NTM: variants seen among roughly 807,000 people sequenced by gnomAD.
The protein encoded by NTM is neurotrimin, also known as IgLON family member 2.
Under a neutral mutation model 42.1 loss-of-function variants are expected in NTM, and 13 were observed. The ratio of observed to expected loss-of-function variants is 0.31; its 90% CI spans 0.20 to 0.49. NTM has a LOEUF of 0.49. NTM is among the 20% of genes least tolerant of loss of function. The pLI, the probability that NTM is intolerant of heterozygous loss-of-function variation, is 0.99. For synonymous variants in NTM, 187 were observed against 179.2 expected, an observed-to-expected ratio of 1.04 and a Z score of -0.35; for missense variants, 373 against 452.8, an observed-to-expected ratio of 0.82 and a Z score of 1.60.
intron 4 of NTM, among the ~76,000 whole-genome samples, chr11:132,231,687 T>C (rs1436462181): frequency 6.6e-6 from 1 of 152,212 alleles, no homozygotes; most frequent in Non-Finnish European, 1.5e-5. Flanking sequence ...GTAAGCAACT[T>C]CCTAGCCACA....
chr11:132,239,476 G>T (rs1415513871), intron 4 of NTM, among the ~76,000 whole-genome samples: 1 of 152,176 alleles, frequency 6.6e-6, no homozygotes, highest in Admixed American at 6.5e-5. Flanking sequence ...CTAAGGTGGG[G>T]CTGTTATGTT....
intron 1 of NTM, among the ~76,000 whole-genome samples, chr11:131,523,971 A>G (rs2136595264): frequency 6.6e-6 from 1 of 150,684 alleles, no homozygotes; most frequent in South Asian, 2.1e-4. Context: ...GACAAGGTTG[A>G]GAACACTGCA....
intron 2 of NTM, among the ~76,000 whole-genome samples, chr11:132,041,392 A>C (rs952182485): frequency 1.1e-4 from 17 of 152,192 alleles, no homozygotes; most frequent in African/African-American, 3.6e-4. Context: ...GTGGAAGTGA[A>C]GAATGTTTAT....
At chr11:132,011,212 T>C (rs2135420619) in intron 2 of NTM, among the ~76,000 whole-genome samples, 1 of 127,994 alleles carries the variant, frequency 7.8e-6, no homozygotes, top group African/African-American at 2.5e-5. Flanking sequence ...CTACTTGATA[T>C]TGATACTATG....
intron 1 of NTM, among the ~76,000 whole-genome samples, chr11:131,567,273 G>A (rs1021030075): frequency 1.3e-5 from 2 of 152,130 alleles, no homozygotes; most frequent in African/African-American, 2.4e-5. Context: ...GATCACTTGA[G>A]GTCAGAAGTT....
intron 1 of NTM, among the ~76,000 whole-genome samples, chr11:131,464,362 G>A (rs547024998): frequency 2.0e-4 from 30 of 152,012 alleles, no homozygotes; most frequent in Non-Finnish European, 4.0e-4. Flanking sequence ...GGAAAGCTGG[G>A]GGGGGGGCAG....
Position 131,540,025 on chromosome 11 carries a change from G to C in NTM, c.82+169137G>C, listed in dbSNP as rs78152392. Reference sequence around the variant, plus strand: ...CTCCCACCTCATCCTTGCTCACTACGGTCCTGTCACAACAATGTGGGAACA... The same window carrying C: ...CTCCCACCTCATCCTTGCTCACTACCGTCCTGTCACAACAATGTGGGAACA... On this transcript the variant is annotated intron_variant, in intron 1 of 8. Transcript: ENST00000683400. Among the ~76,000 whole-genome samples, 17 of 152,214 alleles carry C rather than the reference G, an allele frequency of 1.1e-4. No homozygotes were observed. In the East Asian group the frequency reaches 2.5e-3, roughly 22 times the overall value.
intron 2 of NTM, among the ~76,000 whole-genome samples, chr11:132,127,339 C>T (rs1245604242): frequency 6.6e-6 from 1 of 152,222 alleles, no homozygotes; most frequent in Non-Finnish European, 1.5e-5. Flanking sequence ...AGACCTATTA[C>T]ATAAGTGGCA....
intron 2 of NTM, among the ~76,000 whole-genome samples, chr11:131,998,259 G>A (rs1404357881): frequency 8.5e-5 from 13 of 152,178 alleles, no homozygotes; most frequent in South Asian, 2.1e-4. Flanking sequence ...ATGGGGACTC[G>A]TAAAAGCTGC....
At chr11:131,909,246 C>A (rs2054320932) in intron 1 of NTM, among the ~76,000 whole-genome samples, 1 of 152,168 alleles carries the variant, frequency 6.6e-6, no homozygotes, top group Admixed American at 6.5e-5. Flanking sequence ...TCTGTCCTAT[C>A]TCTATAGTTA....
rs573221510 is a variant in NTM at position 131,590,119 on chromosome 11, G to A, written c.82+219231G>A. Among the ~76,000 whole-genome samples the A allele has an allele frequency of 5.3e-5, 8 of 152,246 alleles. No individual in the cohort carries two copies. In the South Asian group the frequency reaches 6.2e-4, roughly 12 times the overall value. On this transcript the variant is annotated intron_variant, in intron 1 of 8. Transcript: ENST00000683400. ...AATCTCTTCCCTGCACCCAGCCCTCGACCTTGCTGCTACTGGGAGGCTCAT... is the reference window on the plus strand; with the variant it reads ...AATCTCTTCCCTGCACCCAGCCCTCAACCTTGCTGCTACTGGGAGGCTCAT...
chr11:131,654,841 T>C (rs1592382475), intron 1 of NTM, among the ~76,000 whole-genome samples: 1 of 152,288 alleles, frequency 6.6e-6, no homozygotes, highest in African/African-American at 2.4e-5. Flanking sequence ...CCACGCTACT[T>C]ATACAGCCTG....
At chr11:131,911,228 CGAGGAGG>C (rs1432420196) in intron 1 of NTM, 7 of 1,394,486 alleles carry the variant, frequency 5.0e-6, no homozygotes, top group Non-Finnish European at 6.5e-6. Flanking sequence ...GCGGAAGCAG[CGAGGAGG>C]GAGCCCCCTT....
At chr11:131,652,958 C>T (rs1056735360) in intron 1 of NTM, among the ~76,000 whole-genome samples, 4 of 152,182 alleles carry the variant, frequency 2.6e-5, no homozygotes, top group East Asian at 1.9e-4. Flanking sequence ...AGATTGTTGA[C>T]GGAAGCAACC....
chr11:131,602,795 C>G (rs1357036306), intron 1 of NTM, among the ~76,000 whole-genome samples: 1 of 152,146 alleles, frequency 6.6e-6, no homozygotes, highest in African/African-American at 2.4e-5. Flanking sequence ...TCGATTGTCC[C>G]TATGTCAGTA....
chr11:132,065,168 T>C (rs1248606674), intron 2 of NTM, among the ~76,000 whole-genome samples: 1 of 152,200 alleles, frequency 6.6e-6, no homozygotes, highest in Admixed American at 6.5e-5. Context: ...ATTGCATGCA[T>C]TCCCAGACAT....
At chr11:132,035,682 G>T (rs1286117406) in intron 2 of NTM, among the ~76,000 whole-genome samples, 1 of 152,028 alleles carries the variant, frequency 6.6e-6, no homozygotes, top group Non-Finnish European at 1.5e-5. Flanking sequence ...GTGTGCCCAT[G>T]TACATGTGTA....
At chr11:132,214,517 T>C (rs2083456172) in intron 4 of NTM, among the ~76,000 whole-genome samples, 2 of 152,182 alleles carry the variant, frequency 1.3e-5, no homozygotes, top group African/African-American at 2.4e-5. Flanking sequence ...TAAGTTATTT[T>C]TGTTGTTGTT....
intron 3 of NTM, among the ~76,000 whole-genome samples, chr11:132,148,027 C>T (rs1009342131): frequency 6.6e-6 from 1 of 152,136 alleles, no homozygotes; most frequent in Non-Finnish European, 1.5e-5. Flanking sequence ...GTGGGCAGAA[C>T]GTATGCCAGG....
Sources: allele counts gnomAD v4.1 joint callset (sites outside exome capture counted in the v4.1 genomes callset), GRCh38; gene constraint gnomAD v4.1.1; transcripts MANE v1.5; gene names NCBI Gene and HGNC (gene_info 2026-07-23, HGNC 2026-07-21).